The following DIP2C variants were observed in gnomAD, a reference collection of about 807,000 sequenced individuals.
The protein encoded by DIP2C is disco-interacting protein 2 homolog C.
A neutral mutation model predicts 192.4 loss-of-function variants in DIP2C; 33 were observed. The ratio of observed to expected loss-of-function variants is 0.17; its 90% CI spans 0.13 to 0.23. The LOEUF (loss-of-function observed/expected upper bound fraction) is 0.23. DIP2C is among the 10% of genes least tolerant of loss of function. The probability of loss-of-function intolerance (pLI) is 1.00; values close to 1 mark genes in which losing one functional copy is unlikely to be tolerated. For synonymous variants in DIP2C, 979 were observed against 864.1 expected (o/e 1.13, Z -2.33); for missense variants, 1,537 against 2,110.1 (o/e 0.73, Z 5.32).
At chr10:318,407 G>A (rs559484203) in intron 31 of DIP2C, among the ~76,000 whole-genome samples, 2 of 152,204 alleles carry the variant, frequency 1.3e-5, no homozygotes, top group Admixed American at 6.5e-5. Context: ...GTCCAGACAC[G>A]ATCCAGGTTT....
chr10:314,187 G>A (rs774260475), intron 31 of DIP2C, among the ~76,000 whole-genome samples: 7 of 152,226 alleles, frequency 4.6e-5, no homozygotes, highest in Non-Finnish European at 7.3e-5. Context: ...TCTGGGGGCT[G>A]TGGAAATGTT....
intron 3 of DIP2C, among the ~76,000 whole-genome samples, chr10:468,092 G>C (rs2066314): frequency 0.9 from 136,900 of 152,194 alleles, 62,908 homozygotes; most frequent in East Asian, 0.99. Flanking sequence ...TCCAGTCTTC[G>C]CGGTCGGTTC....
At chr10:599,313 G>A (rs906851532) in intron 1 of DIP2C, among the ~76,000 whole-genome samples, 1 of 152,182 alleles carries the variant, frequency 6.6e-6, no homozygotes, top group African/African-American at 2.4e-5. Context: ...ACACGTTACA[G>A]GAACACACAG....
At chr10:404,802 A>C (rs1481261564) in intron 9 of DIP2C, among the ~76,000 whole-genome samples, 2 of 152,268 alleles carry the variant, frequency 1.3e-5, no homozygotes, top group Non-Finnish European at 2.9e-5. Flanking sequence ...GAAAGGGAAT[A>C]AAATTATTTG....
intron 13 of DIP2C, among the ~76,000 whole-genome samples, chr10:388,574 G>C (rs980458764): frequency 6.8e-6 from 1 of 147,656 alleles, no homozygotes; most frequent in Non-Finnish European, 1.5e-5. Flanking sequence ...AAGAGCGAAC[G>C]TATCATTCCC....
intron 1 of DIP2C, among the ~76,000 whole-genome samples, chr10:522,983 G>A (rs569822725): frequency 3.3e-5 from 5 of 152,040 alleles, no homozygotes; most frequent in Non-Finnish European, 5.9e-5. Flanking sequence ...TAAGGACGCT[G>A]GAGTGAGGAT....
intron 3 of DIP2C, among the ~76,000 whole-genome samples, chr10:462,848 A>C (rs1042319883): frequency 1.3e-5 from 2 of 152,354 alleles, no homozygotes; most frequent in South Asian, 4.1e-4. Flanking sequence ...CCTGGGATGC[A>C]AGGCTGGTTC....
intron 1 of DIP2C, among the ~76,000 whole-genome samples, chr10:559,966 C>A (rs1158335276): frequency 6.7e-6 from 1 of 148,538 alleles, no homozygotes; most frequent in Non-Finnish European, 1.5e-5. Flanking sequence ...GTTCTCACCT[C>A]TCCCCCCCAC....
chr10:446,782 G>A (rs547170084), intron 3 of DIP2C, among the ~76,000 whole-genome samples: 10 of 152,244 alleles, frequency 6.6e-5, no homozygotes, highest in South Asian at 2.1e-4. Context: ...TTCGTATAAC[G>A]ACTATTAAAT....
At chr10:523,118 CTG>C (rs1046054649) in intron 1 of DIP2C, among the ~76,000 whole-genome samples, 27 of 151,518 alleles carry the variant, frequency 1.8e-4, no homozygotes, top group South Asian at 4.2e-4. Context: ...TGCAGGGACT[CTG>C]TGTCACCCAC....
intron 5 of DIP2C, among the ~76,000 whole-genome samples, chr10:422,071 G>T (rs1378152279): frequency 6.6e-6 from 1 of 152,156 alleles, no homozygotes; most frequent in East Asian, 1.9e-4. Flanking sequence ...TCCTGCGGCA[G>T]CTGAGATACC....
chr10:379,205 A>G (rs943880471), intron 17 of DIP2C, among the ~76,000 whole-genome samples: 1 of 16,156 alleles, frequency 6.2e-5, no homozygotes, highest in South Asian at 4.6e-3. Flanking sequence ...CCCCCCCCCC[A>G]CAACCCCTGA....
chr10:508,384 G>T (rs1588337136), intron 1 of DIP2C, among the ~76,000 whole-genome samples: 1 of 152,146 alleles, frequency 6.6e-6, no homozygotes, highest in South Asian at 2.1e-4. Context: ...TTGCTCCCCA[G>T]CGTTAATGCC....
chr10:648,553 C>T (rs900568396), intron 1 of DIP2C, among the ~76,000 whole-genome samples: 6 of 151,774 alleles, frequency 4.0e-5, no homozygotes, highest in African/African-American at 1.2e-4. Context: ...ACTGAGTCCA[C>T]GTCCACATTT....
chr10:544,155 T>A (rs1393392798), intron 1 of DIP2C, among the ~76,000 whole-genome samples: 1 of 151,198 alleles, frequency 6.6e-6, no homozygotes, highest in Non-Finnish European at 1.5e-5. Context: ...ACCTTTGGTG[T>A]GACCTTTGGT....
intron 29 of DIP2C, among the ~76,000 whole-genome samples, chr10:336,034 A>G (rs1359709603): frequency 6.6e-6 from 1 of 152,048 alleles, no homozygotes; most frequent in Admixed American, 6.6e-5. Flanking sequence ...AGTAGTTGGG[A>G]CCACAGGCGC....
At chr10:606,082 T>G (rs973223222) in intron 1 of DIP2C, among the ~76,000 whole-genome samples, 1 of 152,208 alleles carries the variant, frequency 6.6e-6, no homozygotes, top group Non-Finnish European at 1.5e-5. Flanking sequence ...CTGCGCAGCG[T>G]GGAGACCGGG....
intron 24 of DIP2C, among the ~76,000 whole-genome samples, chr10:352,972 G>A (rs142152366): frequency 3.6e-4 from 55 of 152,176 alleles, no homozygotes; most frequent in African/African-American, 1.3e-3. Context: ...ATGCATTCTC[G>A]GCGAGTGTCC....
At chr10:615,976 A>G (rs1853446054) in intron 1 of DIP2C, among the ~76,000 whole-genome samples, 1 of 152,186 alleles carries the variant, frequency 6.6e-6, no homozygotes, top group Non-Finnish European at 1.5e-5. Flanking sequence ...TGAGAAGCTC[A>G]GACCATAGAC....
Sources: allele counts gnomAD v4.1 joint callset (sites outside exome capture counted in the v4.1 genomes callset), GRCh38; gene constraint gnomAD v4.1.1; transcripts MANE v1.5; gene names NCBI Gene and HGNC (gene_info 2026-07-23, HGNC 2026-07-21).